Variants in PSG3 observed in about 807,000 individuals in gnomAD.
The protein encoded by PSG3 is pregnancy-specific beta-1-glycoprotein 3.
A neutral mutation model predicts 47.5 loss-of-function variants in PSG3; 61 were observed. The ratio of observed to expected loss-of-function variants is 1.28; its 90% confidence interval spans 1.05 to 1.59. The LOEUF (loss-of-function observed/expected upper bound fraction) is 1.59, where lower values mean the gene tolerates loss of function less well. PSG3 is among the 40% of genes most tolerant of loss of function. The pLI, the probability that PSG3 is intolerant of heterozygous loss-of-function variation, is 0.00. For missense variants in PSG3, 756 were observed against 524.0 expected (o/e 1.44, Z -4.32); for synonymous variants, 263 against 198.4 (o/e 1.33, Z -2.74).
intron 5 of PSG3, among the ~76,000 whole-genome samples, chr19:42,727,451 T>C (rs1159878874): frequency 6.6e-6 from 1 of 152,110 alleles, no homozygotes; most frequent in East Asian, 1.9e-4. Flanking sequence ...GAACAAAGGA[T>C]TAAAATGGAG....
In PSG3 at chr19:42,729,816, C is replaced by A. The variant is rs1313831396; in HGVS notation, c.950G>T (p.Gly317Val). The A allele has an allele frequency of 2.5e-6, 4 of 1,613,718 alleles. No homozygotes were observed. The African/African-American group carries it at 5.3e-5, about 22-fold the overall frequency. Residue 317 changes from glycine to valine, a missense_variant, in exon 4 of 7, where the codon GGT becomes GTT. Gly to Val is a moderately radical substitution (Grantham distance 109). Coordinates refer to ENST00000327495, the MANE Select transcript of PSG3 (RefSeq NM_021016.4). ...PYQCEIQDRY[G>V]GIRSYPVTLN... ...GGTGACTGGGTAACTGCGGATGCCA[C>A]CATATCGGTCCTGTATTTCACATTG...
At chr19:42,737,301 T>C (rs1568754865) in intron 2 of PSG3, among the ~76,000 whole-genome samples, 1 of 152,218 alleles carries the variant, frequency 6.6e-6, no homozygotes. Flanking sequence ...GCATGCAAAT[T>C]CAGTCTCTAA....
chr19:42,739,827 GA>G (rs1254082714), intron 1 of PSG3, among the ~76,000 whole-genome samples: 1 of 152,160 alleles, frequency 6.6e-6, no homozygotes, highest in Non-Finnish European at 1.5e-5. Context: ...GAACACTTAA[GA>G]TTTTCCTACC....
rs554769661 is a variant in PSG3, at chr19:42,724,162, T to C, written c.1244-137A>G. On this transcript the variant is annotated intron_variant, in intron 5 of 6. Transcript: ENST00000327495. The stretch of plus-strand genomic sequence containing the variant: ...TACGTTATTTCTGTTGGAAAATTGA[T>C]AGGAGATGATTATATTCTTGCAGTT... 1.3e-4 allele frequency: 187 copies of C among 1,392,082 alleles called. 1 individual carries two copies. The East Asian group carries it at 3.7e-3, about 27-fold the overall frequency. 86.2% of individuals were successfully genotyped at this position (1,392,082 alleles called of 1,614,324 possible).
At position 42,738,887 on chromosome 19, in the gene PSG3, A is replaced by T; in HGVS notation, c.267T>A (p.Ile89=). The change falls in exon 2 of 7, where the codon ATT becomes ATA. Residue 89 remains isoleucine, a synonymous_variant. Coordinates refer to ENST00000327495, the MANE Select transcript of PSG3 (RefSeq NM_021016.4). ...GTCCACTGTATGCAGGCCCATATAT[A>T]ATTATTTGACCATCTACTACGTATG... is the stretch of plus-strand genomic sequence containing the variant. ...ITSYVVDGQI[I]IYGPAYSGRE... is the part of the protein sequence containing the mutation. 1 of 1,613,948 alleles carries T rather than the reference A, an allele frequency of 6.2e-7. No homozygotes were observed. Among genetic ancestry groups the T allele is most frequent in the Non-Finnish European group, 8.5e-7 (1 of 1,179,964 alleles).
At chr19:42,725,188 T>A (rs1020457446) in intron 5 of PSG3, among the ~76,000 whole-genome samples, 4 of 152,206 alleles carry the variant, frequency 2.6e-5, no homozygotes, top group Non-Finnish European at 5.9e-5. Context: ...ATTGACTGCA[T>A]TAAACCTTTA....
intron 6 of PSG3, among the ~76,000 whole-genome samples, chr19:42,722,456 G>A (rs191460309): frequency 2.8e-4 from 43 of 152,220 alleles, no homozygotes; most frequent in Admixed American, 1.1e-3. Flanking sequence ...GGGTTTCACC[G>A]TGTTAGCCAG....
At position 42,721,837 on chromosome 19, in the gene PSG3, G is replaced by C. The variant is rs1208935977; in HGVS notation, c.*294C>G. 1.2e-5 allele frequency: 5 copies of C among 412,360 alleles called. No individual in the cohort carries two copies. The East Asian group carries it at 1.8e-4, about 15-fold the overall frequency. The allele number at this position is 412,360 out of a possible 1,614,324, so 25.5% of individuals were successfully genotyped here. On this transcript the variant is annotated 3_prime_UTR_variant, in exon 7 of 7. Coordinates refer to ENST00000327495, the MANE Select transcript of PSG3 (RefSeq NM_021016.4). ...CAAAGAATCAGCACATTTTCAAATAGAAAATTATGAAAACATTGTTTTGAC... is the reference window on the plus strand; with the variant it reads ...CAAAGAATCAGCACATTTTCAAATACAAAATTATGAAAACATTGTTTTGAC...
chr19:42,731,200 TCA>T (rs1969468197), intron 3 of PSG3, among the ~76,000 whole-genome samples: 1 of 152,196 alleles, frequency 6.6e-6, no homozygotes, highest in African/African-American at 2.4e-5. Flanking sequence ...TGCCTATAGT[TCA>T]CACAGATTGA....
In PSG3 at chr19:42,732,975, G is replaced by A. The variant is rs372091626; in HGVS notation, c.518C>T (p.Thr173Ile). The A allele has an allele frequency of 6.0e-5, 97 of 1,614,170 alleles. 1 individual carries two copies. Among genetic ancestry groups the A allele is most frequent in the East Asian group, 3.6e-4 (16 of 44,888 alleles). The change falls in exon 3 of 7, where the codon ACT (threonine) becomes ATT (isoleucine). Residue 173 changes from threonine (T) to isoleucine (I), a missense_variant. Thr to Ile is a moderately conservative substitution (Grantham distance 89, BLOSUM62 -1). Transcript: ENST00000327495. ...EAVSLTCDPETPDASYLWWMN... is the reference protein window; with the variant it reads ...EAVSLTCDPEIPDASYLWWMN... ...CCACCACAGGTAGCTTGCGTCCGGA[G>A]TCTCAGGATCACAGGTTAAGCTCAC...
At chr19:42,740,034 T>C (rs932301351) in intron 1 of PSG3, among the ~76,000 whole-genome samples, 28 of 151,650 alleles carry the variant, frequency 1.8e-4, no homozygotes, top group Admixed American at 1.4e-3. Flanking sequence ...CTCACTGCAA[T>C]TTCTTCCTCC....
chr19:42,729,292 A>T lies in PSG3; in HGVS notation c.1074T>A (p.Ser358=). 6.2e-7 allele frequency: 1 copy of T among 1,614,180 alleles called. No homozygotes were observed. Among genetic ancestry groups the T allele is most frequent in the Admixed American group, 1.7e-5 (1 of 60,030 alleles). ...TCCAAGAATATTCTGCTGGTGGGTT[A>T]GAGTCCGCGAAGCAGGACAAGTAGA... ...ENLYLSCFAD[S]NPPAEYSWTI... is the part of the protein sequence containing the mutation. The change falls in exon 5 of 7, where the codon TCT becomes TCA. Residue 358 remains serine, a synonymous_variant. Transcript: ENST00000327495.
At chr19:42,722,644 A>G (rs1969317168) in intron 6 of PSG3, among the ~76,000 whole-genome samples, 1 of 152,188 alleles carries the variant, frequency 6.6e-6, no homozygotes, top group Non-Finnish European at 1.5e-5. Context: ...TTTCTATATA[A>G]TTTAACTTAT....
rs1188703066 is a variant in PSG3, at chr19:42,739,275, A to C, written c.65-186T>G. 5.5e-6 allele frequency: 6 copies of C among 1,082,732 alleles called. No homozygotes were observed. In the East Asian group the frequency reaches 1.0e-4, roughly 18 times the overall value. The allele number at this position is 1,082,732 out of a possible 1,614,324, so 67.1% of individuals were successfully genotyped here. ...TGTGTTTGTGTCCTACTCTCCTACT[A>C]GGTGAAGGTCAGCAACATGACCCCC... On this transcript the variant is annotated intron_variant, in intron 1 of 6. Transcript: ENST00000327495.
intron 2 of PSG3, among the ~76,000 whole-genome samples, chr19:42,737,077 G>A (rs1969576542): frequency 6.6e-6 from 1 of 152,108 alleles, no homozygotes. Flanking sequence ...AGTGAGCAGT[G>A]AGGGCTACAC....
rs372255688 is a variant in PSG3 at position 42,740,216 on chromosome 19, T to A, written c.64+105A>T. ...ATCCACCCTCCTCAGCCTCCCTAAG[T>A]GCTGGCTTCTTTTATTTTTTAGAAC... On this transcript the variant is annotated intron_variant, in intron 1 of 6. Coordinates refer to ENST00000327495, the MANE Select transcript of PSG3 (RefSeq NM_021016.4). The A allele has an allele frequency of 9.3e-6, 15 of 1,604,530 alleles. No homozygotes were observed. The East Asian group carries it at 1.8e-4, about 19-fold the overall frequency.
intron 2 of PSG3, among the ~76,000 whole-genome samples, chr19:42,735,867 G>A (rs1969555109): frequency 6.6e-6 from 1 of 152,136 alleles, no homozygotes; most frequent in Non-Finnish European, 1.5e-5. Context: ...TGGGGTTTGG[G>A]GACTGCAGGC....
intron 5 of PSG3, among the ~76,000 whole-genome samples, chr19:42,725,808 G>T (rs553148735): frequency 6.8e-6 from 1 of 146,068 alleles, no homozygotes; most frequent in Admixed American, 7.0e-5. Flanking sequence ...AGGCTGCAGT[G>T]AGCCATAATC....
chr19:42,733,956 T>C (rs1969519342), intron 2 of PSG3: 1 of 152,176 alleles, frequency 6.6e-6, no homozygotes, highest in Non-Finnish European at 1.5e-5. Flanking sequence ...GTTTGGTGGA[T>C]ATTAGACCAA....
Sources: allele counts gnomAD v4.1 joint callset (sites outside exome capture counted in the v4.1 genomes callset), GRCh38; gene constraint gnomAD v4.1.1; transcripts MANE v1.5; gene names NCBI Gene and HGNC (gene_info 2026-07-23, HGNC 2026-07-21).